WWC1: variants seen among roughly 807,000 people sequenced by gnomAD.
WWC1 encodes the protein protein KIBRA.
Under a neutral mutation model 138.4 loss-of-function variants are expected in WWC1, and 55 were observed. The ratio of observed to expected loss-of-function variants is 0.40; its 90% CI spans 0.32 to 0.50. The LOEUF (loss-of-function observed/expected upper bound fraction) is 0.50. Ranked by LOEUF, WWC1 falls within the 20% of genes least tolerant of loss-of-function variation. WWC1 has a pLI of 0.72. For missense variants in WWC1, 1,226 were observed against 1,420.4 expected, an observed-to-expected ratio of 0.86 and a Z score of 2.20; for synonymous variants, 524 against 564.9, an observed-to-expected ratio of 0.93 and a Z score of 1.03.
intron 3 of WWC1, among the ~76,000 whole-genome samples, chr5:168,396,351 G>A (rs984576086): frequency 2.6e-5 from 4 of 151,930 alleles, no homozygotes; most frequent in African/African-American, 9.7e-5. Flanking sequence ...CCACTGCACT[G>A]CAGCCTGGGC....
At chr5:168,406,540 G>A (rs557359295) in intron 6 of WWC1, among the ~76,000 whole-genome samples, 19 of 152,334 alleles carry the variant, frequency 1.2e-4, no homozygotes, top group African/African-American at 4.6e-4. Context: ...AGTGTAAATG[G>A]CAGAGTTGGA....
At chr5:168,426,678 G>C (rs527519212) in intron 11 of WWC1, among the ~76,000 whole-genome samples, 312 of 152,342 alleles carry the variant, frequency 2.0e-3, no homozygotes, top group African/African-American at 7.2e-3. Context: ...TGGGACGCAG[G>C]CTCAGCTTCC....
chr5:168,421,060 G>C (rs13158708), intron 9 of WWC1, among the ~76,000 whole-genome samples: 1 of 152,038 alleles, frequency 6.6e-6, no homozygotes, highest in Non-Finnish European at 1.5e-5. Flanking sequence ...TTCATACAAC[G>C]GGTTTATTTT....
At chr5:168,410,684 A>ACC in intron 8 of WWC1, among the ~76,000 whole-genome samples, 1 of 152,206 alleles carries the variant, frequency 6.6e-6, no homozygotes, top group East Asian at 1.9e-4. Context: ...GATTACAGGC[A>ACC]CGCACCACTA....
At chr5:168,315,142 A>G (rs887634066) in intron 1 of WWC1, among the ~76,000 whole-genome samples, 2 of 151,980 alleles carry the variant, frequency 1.3e-5, no homozygotes, top group Admixed American at 6.6e-5. Flanking sequence ...ATTCCAGGAA[A>G]ATAAACCAAT....
At chr5:168,304,214 G>A (rs1156544221) in intron 1 of WWC1, among the ~76,000 whole-genome samples, 2 of 152,090 alleles carry the variant, frequency 1.3e-5, no homozygotes, top group African/African-American at 2.4e-5. Context: ...TGCTCAATTC[G>A]TTTATTTTGA....
At chr5:168,459,307 C>G (rs1438068159) in intron 19 of WWC1, among the ~76,000 whole-genome samples, 1 of 151,004 alleles carries the variant, frequency 6.6e-6, no homozygotes, top group East Asian at 1.9e-4. Context: ...CCTTCTGGTA[C>G]CACATGCAAC....
intron 2 of WWC1, among the ~76,000 whole-genome samples, chr5:168,377,228 T>G (rs763303803): frequency 2.0e-5 from 3 of 152,194 alleles, no homozygotes; most frequent in Non-Finnish European, 4.4e-5. Context: ...GCGAGCCATA[T>G]GCAAAAGAAT....
intron 1 of WWC1, among the ~76,000 whole-genome samples, chr5:168,364,266 G>T (rs962731823): frequency 6.6e-6 from 1 of 152,034 alleles, no homozygotes; most frequent in Non-Finnish European, 1.5e-5. Context: ...CATCTACCCT[G>T]CCTCCTCCTT....
Position 168,292,341 on chromosome 5 carries a change from C to T in WWC1, c.119+70C>T, listed in dbSNP as rs554981874. ...GGCCCCCACCTGCCCCTGGAGCCGC[C>T]GGCCGGGACTGGGAGGGGGCAGGGG... On this transcript the variant is annotated intron_variant, in intron 1 of 22. Coordinates refer to ENST00000265293, the MANE Select transcript of WWC1 (RefSeq NM_015238.3). The surrounding 1 kb of genome is among the most constrained non-coding windows in gnomAD (Gnocchi z 4.4). 6 of 1,520,540 alleles carry T rather than the reference C, an allele frequency of 3.9e-6. No individual in the cohort carries two copies. The African/African-American group carries it at 7.0e-5, about 18-fold the overall frequency. The allele number at this position is 1,520,540 out of a possible 1,614,324, so 94.2% of individuals were successfully genotyped here.
rs1327249863 is a variant in WWC1 at position 168,464,982 on chromosome 5, C to A, written c.3150+20C>A. 6.2e-7 allele frequency: 1 copy of A among 1,611,724 alleles called. No individual in the cohort carries two copies. Among genetic ancestry groups the A allele is most frequent in the Non-Finnish European group, 8.5e-7 (1 of 1,179,306 alleles). ...AAGCGGGTGAGTTCTGCCTCGAAGGCAGGGGAGCCCTGCGCTCTGCCCCAG... is the reference window on the plus strand; with the variant it reads ...AAGCGGGTGAGTTCTGCCTCGAAGGAAGGGGAGCCCTGCGCTCTGCCCCAG... On this transcript the variant is annotated intron_variant, in intron 21 of 22. Coordinates refer to ENST00000265293, the MANE Select transcript of WWC1 (RefSeq NM_015238.3).
Position 168,373,069 on chromosome 5 carries a change from G to A in WWC1, c.229+1536G>A, listed in dbSNP as rs184157974. 2.6e-5 allele frequency among the ~76,000 whole-genome samples: 4 copies of A among 152,328 alleles called. No homozygotes were observed. In the East Asian group the frequency reaches 5.8e-4, roughly 22 times the overall value. ...GGTTTTTATTAGCACTCATGATTGC[G>A]TACTGGATAATGAGAAGTAAATATG... On this transcript the variant is annotated intron_variant, in intron 2 of 22. Coordinates refer to ENST00000265293, the MANE Select transcript of WWC1 (RefSeq NM_015238.3).
At chr5:168,309,913 A>T (rs1251981428) in intron 1 of WWC1, among the ~76,000 whole-genome samples, 2 of 152,240 alleles carry the variant, frequency 1.3e-5, no homozygotes, top group East Asian at 3.9e-4. Context: ...ACAAACTACA[A>T]CAAATCGAAA....
chr5:168,405,681 G>T (rs1034185813), intron 5 of WWC1, among the ~76,000 whole-genome samples: 1 of 149,966 alleles, frequency 6.7e-6, no homozygotes, highest in Admixed American at 6.6e-5. Flanking sequence ...CACGTTGGCC[G>T]TTTAACAGGG....
intron 5 of WWC1, among the ~76,000 whole-genome samples, chr5:168,400,833 A>T (rs1350693217): frequency 3.0e-5 from 4 of 132,684 alleles, no homozygotes; most frequent in African/African-American, 1.1e-4. Context: ...AGAGAGAGAG[A>T]GAGAGAGAAG....
rs1757117267 is a variant in WWC1 at position 168,464,769 on chromosome 5, G to GT, written c.2958dup (p.Thr987TyrfsTer50). The stretch of plus-strand genomic sequence containing the variant: ...TCGCTGCGCTCCGAGCGTCTGATCC[G>GT]TACCTCGCTGGACCTGGAGTTAGAC... On this transcript the variant is annotated frameshift_variant, in exon 21 of 23. Coordinates refer to ENST00000265293, the MANE Select transcript of WWC1 (RefSeq NM_015238.3). LOFTEE classifies it high-confidence loss of function. 1 of 1,614,134 alleles carries GT rather than the reference G, an allele frequency of 6.2e-7. No individual in the cohort carries two copies. The highest frequency in any genetic ancestry group is 8.5e-7 in the Non-Finnish European group (1 of 1,180,042).
intron 1 of WWC1, among the ~76,000 whole-genome samples, chr5:168,340,368 G>T (rs1374983397): frequency 6.6e-6 from 1 of 152,144 alleles, no homozygotes; most frequent in African/African-American, 2.4e-5. Flanking sequence ...ACCATTTAAA[G>T]CTTACAATTA....
chr5:168,468,867 C>T, intron 22 of WWC1, 84 bp from the exon 23 acceptor site: 3 of 1,461,144 alleles, frequency 2.1e-6, no homozygotes, highest in Non-Finnish European at 2.9e-6. Context: ...TAGGACAGCT[C>T]CCACGACAAA....
At chr5:168,417,913 C>T (rs1310046987) in intron 9 of WWC1, among the ~76,000 whole-genome samples, 1 of 152,192 alleles carries the variant, frequency 6.6e-6, no homozygotes, top group African/African-American at 2.4e-5. Flanking sequence ...GCCGCCCCAG[C>T]TGTCTTTGTG....
Sources: allele counts gnomAD v4.1 joint callset (sites outside exome capture counted in the v4.1 genomes callset), GRCh38; gene constraint gnomAD v4.1.1; non-coding constraint Gnocchi (gnomAD v3.1); transcripts MANE v1.5; gene names NCBI Gene and HGNC (gene_info 2026-07-23, HGNC 2026-07-21).